Variants in GRID2IP observed in about 807,000 individuals in gnomAD.
The protein encoded by GRID2IP is Grid2 interacting protein, also known as delphilin.
Under a neutral mutation model 114.3 loss-of-function variants are expected in GRID2IP, and 78 were observed. The observed-to-expected ratio is 0.68, with a 90% CI of 0.57 to 0.82. GRID2IP has a LOEUF of 0.82. Among genes scored for constraint, GRID2IP ranks in the 40% least tolerant of loss-of-function variants. The probability of loss-of-function intolerance (pLI) is 0.00; values close to 1 mark genes in which losing one functional copy is unlikely to be tolerated. For synonymous variants in GRID2IP, 809 were observed against 724.0 expected (o/e 1.12, Z -1.89); for missense variants, 1,727 against 1,678.5 (o/e 1.03, Z -0.51).
intron 15 of GRID2IP, among the ~76,000 whole-genome samples, chr7:6,504,340 G>C (rs1786512420): frequency 6.6e-6 from 1 of 151,164 alleles, no homozygotes; most frequent in African/African-American, 2.4e-5. Context: ...GCTACAGGGA[G>C]GAGACCGAAT....
intron 20 of GRID2IP, 79 bp downstream of exon 20, chr7:6,501,702 G>A (rs552526383): frequency 7.1e-6 from 7 of 987,504 alleles, no homozygotes; most frequent in African/African-American, 3.2e-5. Flanking sequence ...GGTCTCCAGC[G>A]GCCACTGGAG....
intron 2 of GRID2IP, among the ~76,000 whole-genome samples, chr7:6,533,919 G>C (rs1779679782): frequency 1.3e-5 from 2 of 151,956 alleles, no homozygotes; most frequent in Admixed American, 6.6e-5. Context: ...TAAAATGCTG[G>C]GCTTACAGGC....
intron 2 of GRID2IP, among the ~76,000 whole-genome samples, chr7:6,539,494 C>T (rs1171592659): frequency 1.3e-5 from 2 of 152,196 alleles, no homozygotes; most frequent in African/African-American, 2.4e-5. Flanking sequence ...TCCCATCACT[C>T]AAGGTGGTAC....
At chr7:6,501,401 A>C (rs1786411953) in intron 20 of GRID2IP, among the ~76,000 whole-genome samples, 1 of 151,870 alleles carries the variant, frequency 6.6e-6, no homozygotes, top group South Asian at 2.1e-4. Flanking sequence ...TAAATAAATA[A>C]ATTTATAATC....
At chr7:6,542,162 C>T (rs1280383386) in intron 1 of GRID2IP, among the ~76,000 whole-genome samples, 6 of 151,704 alleles carry the variant, frequency 4.0e-5, no homozygotes, top group Non-Finnish European at 8.8e-5. Flanking sequence ...ATTAGCCAGA[C>T]GTGGTGGTGG....
intron 1 of GRID2IP, among the ~76,000 whole-genome samples, chr7:6,545,118 A>G (rs970548854): frequency 9.2e-5 from 14 of 151,854 alleles, no homozygotes; most frequent in African/African-American, 3.4e-4. Flanking sequence ...AGAAAAAGTA[A>G]AAAGTTAGCC....
At chr7:6,548,748 A>C (rs1779923530) in intron 1 of GRID2IP, among the ~76,000 whole-genome samples, 1 of 151,720 alleles carries the variant, frequency 6.6e-6, no homozygotes, top group African/African-American at 2.4e-5. Flanking sequence ...AGGCTGAGGC[A>C]GGAGAATCAC....
intron 1 of GRID2IP, among the ~76,000 whole-genome samples, chr7:6,546,806 T>C (rs1779896005): frequency 6.6e-6 from 1 of 152,074 alleles, no homozygotes; most frequent in Non-Finnish European, 1.5e-5. Flanking sequence ...GGGCAGGTCT[T>C]CTCTTGCATC....
intron 13 of GRID2IP, 79 bp from the exon 14 acceptor site, chr7:6,505,986 G>A: frequency 1.0e-6 from 1 of 991,764 alleles, no homozygotes; most frequent in Middle Eastern, 2.8e-4. Context: ...CCCTCTGAGG[G>A]CTGCCATAGG....
chr7:6,514,289 G>A (rs1384174797), intron 8 of GRID2IP, 86 bp downstream of exon 8: 3 of 1,177,738 alleles, frequency 2.5e-6, no homozygotes, highest in African/African-American at 1.5e-5. Context: ...ACCTTCACAT[G>A]TGAGAACAGG....
In GRID2IP at chr7:6,526,482, G is replaced by C. The variant is rs1486943320; in HGVS notation, c.833+39C>G. On this transcript the variant is annotated intron_variant, in intron 3 of 21. Transcript: ENST00000457091. This position sits in a 1 kb window ranked among gnomAD's most constrained non-coding sequence, Gnocchi z 7.6. ...GGTCTCGGTCCCGAGCCCACCCGCAGGGAGGCGCCCGCTGCCAGTGCCTGT... is the reference window on the plus strand; with the variant it reads ...GGTCTCGGTCCCGAGCCCACCCGCACGGAGGCGCCCGCTGCCAGTGCCTGT... 3.6e-6 allele frequency: 5 copies of C among 1,381,434 alleles called. No homozygotes were observed. The highest frequency in any genetic ancestry group is 4.7e-6 in the Non-Finnish European group (5 of 1,068,610). The allele number at this position is 1,381,434 out of a possible 1,614,324, so 85.6% of individuals were successfully genotyped here.
Position 6,519,682 on chromosome 7 carries a change from G to A in GRID2IP, c.1268+896C>T, listed in dbSNP as rs528749837. 2.8e-4 allele frequency among the ~76,000 whole-genome samples: 43 copies of A among 152,092 alleles called. No individual in the cohort carries two copies. Among genetic ancestry groups the A allele is most frequent in the Non-Finnish European group, 4.6e-4 (31 of 67,962 alleles). The stretch of plus-strand genomic sequence containing the variant: ...TGAGGCAGGAGAATCGCTTGAGTCC[G>A]GGAGGTGGGGGTTGCGGTGAGCCGA... On this transcript the variant is annotated intron_variant, in intron 7 of 21. Transcript: ENST00000457091. The surrounding 1 kb of genome is among the most constrained non-coding windows in gnomAD (Gnocchi z 4.1).
chr7:6,514,581 T>G (rs1328299375), intron 7 of GRID2IP, 52 bp from the exon 8 acceptor site: 5 of 1,426,076 alleles, frequency 3.5e-6, no homozygotes, highest in Non-Finnish European at 4.6e-6. Flanking sequence ...CTTACCATGA[T>G]GCACAGAGTG....
intron 2 of GRID2IP, among the ~76,000 whole-genome samples, chr7:6,533,185 G>C (rs908878329): frequency 2.6e-5 from 4 of 152,124 alleles, no homozygotes; most frequent in African/African-American, 9.7e-5. Context: ...ATCCTCTAAT[G>C]TGCAGGACAG....
In GRID2IP at chr7:6,514,613, C is replaced by G. The variant is rs1481427094; in HGVS notation, c.1269-84G>C. ...AGTGGGGGTAGACAAGACGGCACTT[C>G]CAAGCCACAGCGTCTGCCCTCATGC... On this transcript the variant is annotated intron_variant, in intron 7 of 21. Transcript: ENST00000457091. 5.5e-6 allele frequency: 7 copies of G among 1,264,378 alleles called. No homozygotes were observed. The East Asian group carries it at 1.9e-4, about 35-fold the overall frequency. The allele number at this position is 1,264,378 out of a possible 1,614,324, so 78.3% of individuals were successfully genotyped here.
rs531959816 is a variant in GRID2IP, at chr7:6,497,911, C to A, written c.3565-66G>T. 46 of 1,449,848 alleles carry A rather than the reference C, an allele frequency of 3.2e-5. No individual in the cohort carries two copies. The South Asian group carries it at 5.7e-4, about 18-fold the overall frequency. The allele number at this position is 1,449,848 out of a possible 1,614,324, so 89.8% of individuals were successfully genotyped here. The stretch of plus-strand genomic sequence containing the variant: ...CAGGAACCTGTGACGCCTTCCCTGT[C>A]TCTTCCCACACTAGACAGCCCATCA... On this transcript the variant is annotated intron_variant, in intron 21 of 21. Coordinates refer to ENST00000457091, the MANE Select transcript of GRID2IP (RefSeq NM_001145118.2).
intron 1 of GRID2IP, among the ~76,000 whole-genome samples, chr7:6,542,213 G>C (rs1202176681): frequency 1.4e-5 from 2 of 147,330 alleles, no homozygotes; most frequent in Admixed American, 7.1e-5. Context: ...GCTGAGGCAG[G>C]AGAATCGCTT....
Position 6,497,556 on chromosome 7 carries a change from C to T in GRID2IP, c.*218G>A, listed in dbSNP as rs1786288517. 1 of 490,388 alleles carries T rather than the reference C, an allele frequency of 2.0e-6. No individual in the cohort carries two copies. Among genetic ancestry groups the T allele is most frequent in the Admixed American group, 3.8e-5 (1 of 26,438 alleles). The allele number at this position is 490,388 out of a possible 1,614,324, so 30.4% of individuals were successfully genotyped here. ...GTCCTCCATGTGCAGGCACACTCAG[C>T]ACCTGCTCCTACAGCATCTGGCTCT... On this transcript the variant is annotated 3_prime_UTR_variant, in exon 22 of 22. Transcript: ENST00000457091.
intron 8 of GRID2IP, among the ~76,000 whole-genome samples, chr7:6,513,780 G>T (rs1779230381): frequency 6.6e-6 from 1 of 152,030 alleles, no homozygotes; most frequent in Admixed American, 6.6e-5. Flanking sequence ...GCCCAAATCG[G>T]CTGTAAGACC....
Sources: gnomAD v4.1 joint callset for allele counts (sites outside exome capture counted in the v4.1 genomes callset) on GRCh38, gnomAD v4.1.1 for gene constraint, Gnocchi (gnomAD v3.1) non-coding constraint, MANE v1.5 for transcripts, NCBI Gene and HGNC (gene_info 2026-07-23, HGNC 2026-07-21) for gene names.